Variants in HAAO observed in about 807,000 individuals in gnomAD.
HAAO encodes the protein 3-hydroxyanthranilate oxygenase.
HAAO carries 49 observed loss-of-function variants against 46.2 expected under a neutral mutation model. The observed-to-expected ratio is 1.06, with a 90% CI of 0.84 to 1.34. HAAO has a LOEUF of 1.34. HAAO is among the 40% of genes most tolerant of loss of function. HAAO has a pLI of 0.00. For synonymous variants in HAAO, 157 were observed against 145.2 expected, an observed-to-expected ratio of 1.08 and a Z score of -0.58; for missense variants, 408 against 364.5, an observed-to-expected ratio of 1.12 and a Z score of -0.97.
chr2:42,783,610 T>C (rs1672171044), intron 3 of HAAO, among the ~76,000 whole-genome samples, 174 bp downstream of exon 3: 1 of 151,960 alleles, frequency 6.6e-6, no homozygotes, highest in African/African-American at 2.4e-5. Flanking sequence ...GTGCTGAGGA[T>C]GGGGCAGCCT....
chr2:42,774,019 C>T (rs1299128391), intron 4 of HAAO, among the ~76,000 whole-genome samples: 1 of 152,192 alleles, frequency 6.6e-6, no homozygotes, highest in Non-Finnish European at 1.5e-5. Context: ...TACCTATGAC[C>T]TAGAAGCCCC....
intron 7 of HAAO, among the ~76,000 whole-genome samples, chr2:42,768,919 G>C (rs1670872081): frequency 6.6e-6 from 1 of 152,148 alleles, no homozygotes; most frequent in African/African-American, 2.4e-5. Flanking sequence ...CCCAGTGCCA[G>C]GCTGTTTCAA....
intron 1 of HAAO, among the ~76,000 whole-genome samples, chr2:42,792,028 C>A (rs963817979): frequency 1.3e-5 from 2 of 152,120 alleles, no homozygotes; most frequent in African/African-American, 4.8e-5. Flanking sequence ...CCCCCTTTGC[C>A]TGTGGCTTCT....
chr2:42,779,572 G>A (rs563032709), intron 4 of HAAO, among the ~76,000 whole-genome samples: 33 of 152,200 alleles, frequency 2.2e-4, no homozygotes, highest in African/African-American at 5.5e-4. Context: ...CCCCCACCTC[G>A]GCCTTCCAAA....
chr2:42,785,661 G>T (rs1447584985), intron 2 of HAAO, among the ~76,000 whole-genome samples: 1 of 151,996 alleles, frequency 6.6e-6, no homozygotes, highest in East Asian at 1.9e-4. Flanking sequence ...CAGGAGTGGA[G>T]ACCATTCTGG....
chr2:42,786,807 C>T (rs1672420516), intron 2 of HAAO, among the ~76,000 whole-genome samples: 1 of 152,166 alleles, frequency 6.6e-6, no homozygotes, highest in Non-Finnish European at 1.5e-5. Flanking sequence ...ATTGCAGAGG[C>T]AGAGCTCAGT....
chr2:42,791,240 AAGGTGG>A (rs757364305), intron 1 of HAAO, among the ~76,000 whole-genome samples: 41 of 152,046 alleles, frequency 2.7e-4, no homozygotes, highest in Non-Finnish European at 5.0e-4. Flanking sequence ...TGTGAAGACG[AAGGTGG>A]AGGTGGGCGT....
chr2:42,785,333 G>A (rs554046320), intron 2 of HAAO, among the ~76,000 whole-genome samples: 1 of 152,274 alleles, frequency 6.6e-6, no homozygotes, highest in East Asian at 1.9e-4. Flanking sequence ...ACATTATGCA[G>A]CCATTAAAAA....
chr2:42,786,743 G>A (rs942415903), intron 2 of HAAO, among the ~76,000 whole-genome samples: 1 of 152,224 alleles, frequency 6.6e-6, no homozygotes, highest in Non-Finnish European at 1.5e-5. Flanking sequence ...TAGGTGGTAG[G>A]TGGCGCTGGG....
chr2:42,781,088 C>A (rs971384225), intron 4 of HAAO, among the ~76,000 whole-genome samples: 1 of 151,870 alleles, frequency 6.6e-6, no homozygotes, highest in East Asian at 1.9e-4. Context: ...AAAAAAAACA[C>A]AACAATTTAG....
rs1165485636 is a variant in HAAO at position 42,770,516 on chromosome 2, C to T, written c.417G>A (p.Thr139=). The T allele has an allele frequency of 1.3e-5, 20 of 1,552,130 alleles. No homozygotes were observed. The highest frequency in any genetic ancestry group is 1.6e-5 in the Non-Finnish European group (18 of 1,147,252). ...ACTCCTGGATGATGGGGGCCAACTG[C>T]GTGCCGAGGTCCTTGCAGTAGAACC... ...EKWFYCKDLG[T]QLAPIIQEFF... Residue 139 remains threonine, a synonymous_variant, in exon 5 of 10, where the codon ACG becomes ACA. Transcript: ENST00000294973.
At chr2:42,770,375 G>T in intron 5 of HAAO, 118 bp downstream of exon 5, 1 of 921,144 alleles carries the variant, frequency 1.1e-6, no homozygotes, top group Non-Finnish European at 1.7e-6. Flanking sequence ...CCCCGGCCTG[G>T]CAGTGGGCTC....
chr2:42,767,901 C>T lies in HAAO; in HGVS notation c.658G>A (p.Glu220Lys), dbSNP rs372852437. ...QVIAYGQGSS[E>K]GLRQNVDVWL... is the part of the protein sequence containing the mutation. Reference sequence around the variant, plus strand: ...ACGTCCACATTCTGTCTCAGGCCTTCGCTGCTGCCTTGCCCATAGGCGATC... The same window carrying T: ...ACGTCCACATTCTGTCTCAGGCCTTTGCTGCTGCCTTGCCCATAGGCGATC... The change falls in exon 8 of 10, where the codon GAA (glutamate) becomes AAA (lysine). Residue 220 changes from glutamate to lysine, a missense_variant. By Grantham distance (56) the Glu-to-Lys change is moderately conservative. Transcript: ENST00000294973. 28 of 1,613,884 alleles carry T rather than the reference C, an allele frequency of 1.7e-5. No homozygotes were observed. Among genetic ancestry groups the T allele is most frequent in the South Asian group, 1.5e-4 (14 of 91,084 alleles).
At position 42,769,757 on chromosome 2, in the gene HAAO, C is replaced by T. The variant is rs1388861377; in HGVS notation, c.586G>A (p.Ala196Thr). The stretch of plus-strand genomic sequence containing the variant: ...CCAAACAGGCTGAGTGGTGTGCCTG[C>T]CTGCAGCTCCCTGTGGTGGCTGTCC... ...WLDSHHRELQAGTPLSLFGDT... is the reference protein window; with the variant it reads ...WLDSHHRELQTGTPLSLFGDT... Residue 196 changes from alanine to threonine, a missense_variant, in exon 7 of 10, where the codon GCA (alanine) becomes ACA (threonine). By Grantham distance (58) the Ala-to-Thr change is moderately conservative. Coordinates refer to ENST00000294973, the MANE Select transcript of HAAO (RefSeq NM_012205.3). The T allele has an allele frequency of 6.2e-7, 1 of 1,613,948 alleles. No homozygotes were observed. Among genetic ancestry groups the T allele is most frequent in the Admixed American group, 1.7e-5 (1 of 59,978 alleles).
At position 42,792,443 on chromosome 2, in the gene HAAO, G is replaced by A. The variant is rs1573968935; in HGVS notation, c.80+14C>T. ...GGCGAGGGCAGGGGGCGGCCATGGGGGTGCTGGACTCACATGAGCTTGTTG... is the reference window on the plus strand; with the variant it reads ...GGCGAGGGCAGGGGGCGGCCATGGGAGTGCTGGACTCACATGAGCTTGTTG... On this transcript the variant is annotated intron_variant, in intron 1 of 9. Transcript: ENST00000294973. The A allele has an allele frequency of 3.3e-6, 5 of 1,526,664 alleles. No individual in the cohort carries two copies. The highest frequency in any genetic ancestry group is 4.4e-6 in the Non-Finnish European group (5 of 1,123,784). The allele number at this position is 1,526,664 out of a possible 1,614,324, so 94.6% of individuals were successfully genotyped here. A position where few individuals can be genotyped will look rare whatever the true frequency, so the allele number is the denominator to read the frequency against.
intron 4 of HAAO, among the ~76,000 whole-genome samples, chr2:42,782,559 G>A: frequency 6.6e-6 from 1 of 152,186 alleles, no homozygotes; most frequent in Non-Finnish European, 1.5e-5. Context: ...AAAAGAAAAG[G>A]GGGAAATGTG....
Position 42,770,127 on chromosome 2 carries a change from T to G in HAAO, c.484+16A>C. On this transcript the variant is annotated intron_variant, in intron 6 of 9. Coordinates refer to ENST00000294973, the MANE Select transcript of HAAO (RefSeq NM_012205.3). ...GGGAGGGAGGGAAGGAGAAGGGCAG[T>G]TCCCAGCGGCCTCACCAGGGATGGG... 2 of 1,602,196 alleles carry G rather than the reference T, an allele frequency of 1.2e-6. No individual in the cohort carries two copies. Among genetic ancestry groups the G allele is most frequent in the South Asian group, 2.2e-5 (2 of 89,440 alleles).
chr2:42,781,005 A>T (rs1300181150), intron 4 of HAAO, among the ~76,000 whole-genome samples: 1 of 151,754 alleles, frequency 6.6e-6, no homozygotes, highest in Non-Finnish European at 1.5e-5. Flanking sequence ...TGAACCTGGG[A>T]GGCGGAGCTT....
At chr2:42,784,165 T>TGACCCAGCAGTCAGGTAGGG (rs1306271715) in intron 2 of HAAO, among the ~76,000 whole-genome samples, 1 of 152,162 alleles carries the variant, frequency 6.6e-6, no homozygotes, top group Admixed American at 6.5e-5. Context: ...GGGAACTGAA[T>TGACCCAGCAGTCAGGTAGGG]GACCCAGCAG....
Sources: gnomAD v4.1 joint callset for allele counts (sites outside exome capture counted in the v4.1 genomes callset) on GRCh38, gnomAD v4.1.1 for gene constraint, MANE v1.5 for transcripts, NCBI Gene and HGNC (gene_info 2026-07-23, HGNC 2026-07-21) for gene names.